Variants in CTNNA2 observed in about 807,000 individuals in gnomAD.
CTNNA2 encodes catenin alpha 2.
CTNNA2 carries 42 observed loss-of-function variants against 101.0 expected under a neutral mutation model. The ratio of observed to expected loss-of-function variants is 0.42; its 90% CI spans 0.32 to 0.54. The LOEUF (loss-of-function observed/expected upper bound fraction) is 0.54, where lower values mean the gene tolerates loss of function less well. Among genes scored for constraint, CTNNA2 ranks in the 20% least tolerant of loss-of-function variants. CTNNA2 has a pLI of 0.14. For synonymous variants in CTNNA2, 450 were observed against 456.4 expected (o/e 0.99, Z 0.18); for missense variants, 871 against 1,223.1 (o/e 0.71, Z 4.29).
At chr2:79,545,505 G>T (rs1212880266) in intron 1 of CTNNA2, among the ~76,000 whole-genome samples, 2 of 152,136 alleles carry the variant, frequency 1.3e-5, no homozygotes, top group Non-Finnish European at 2.9e-5. Context: ...TTGATCTGTT[G>T]GCTTTTGTTA....
At chr2:80,528,691 A>G (rs1245248228) in intron 9 of CTNNA2, among the ~76,000 whole-genome samples, 1 of 152,100 alleles carries the variant, frequency 6.6e-6, no homozygotes, top group Non-Finnish European at 1.5e-5. Flanking sequence ...AAATAAATAA[A>G]TAAATAAATA....
chr2:80,207,112 A>G (rs1707582935), intron 7 of CTNNA2, among the ~76,000 whole-genome samples: 1 of 152,176 alleles, frequency 6.6e-6, no homozygotes, highest in Admixed American at 6.5e-5. Flanking sequence ...TTGATTTTGC[A>G]CAGGACTATT....
chr2:80,203,950 A>G (rs2149022607), intron 7 of CTNNA2, among the ~76,000 whole-genome samples: 1 of 152,318 alleles, frequency 6.6e-6, no homozygotes, highest in East Asian at 1.9e-4. Context: ...TGCAGGCTCA[A>G]CACCATGTGG....
intron 11 of CTNNA2, among the ~76,000 whole-genome samples, chr2:80,552,686 T>C (rs1456007916): frequency 1.3e-5 from 2 of 152,194 alleles, no homozygotes. Flanking sequence ...CACTACATGG[T>C]ATAACCTATT....
intron 7 of CTNNA2, among the ~76,000 whole-genome samples, chr2:79,988,460 ATGTGTATG>A (rs917256099): frequency 2.2e-5 from 2 of 89,276 alleles, no homozygotes; most frequent in African/African-American, 8.7e-5. Flanking sequence ...TATGAAGTGT[ATGTGTATG>A]TGTGTGTGTG....
At chr2:80,370,479 C>T (rs1675342222) in intron 7 of CTNNA2, among the ~76,000 whole-genome samples, 1 of 151,928 alleles carries the variant, frequency 6.6e-6, no homozygotes, top group Admixed American at 6.6e-5. Context: ...AAAATATAGC[C>T]ATAATAAGGC....
chr2:80,585,642 A>AT (rs1695913408), intron 14 of CTNNA2, among the ~76,000 whole-genome samples: 1 of 152,178 alleles, frequency 6.6e-6, no homozygotes, highest in African/African-American at 2.4e-5. Context: ...GCTGGCTTCT[A>AT]TTTTTTTCTA....
At chr2:79,908,966 T>C (rs1288525991) in intron 6 of CTNNA2, among the ~76,000 whole-genome samples, 3 of 152,354 alleles carry the variant, frequency 2.0e-5, no homozygotes, top group African/African-American at 7.2e-5. Flanking sequence ...TTTCCTCTTA[T>C]ATAGGCTCCT....
chr2:79,847,542 CAAAAAAAAAAAAAA>C (rs70940050), intron 3 of CTNNA2, among the ~76,000 whole-genome samples: 1 of 40,160 alleles, frequency 2.5e-5, no homozygotes, highest in Non-Finnish European at 4.3e-5. Context: ...GACTCTGTCT[CAAAAAAAAAAAAAA>C]AAAAAAAAAA....
At chr2:79,460,137 A>G (rs1378466265) in intron 4 of CTNNA2, among the ~76,000 whole-genome samples, 1 of 152,096 alleles carries the variant, frequency 6.6e-6, no homozygotes, top group Non-Finnish European at 1.5e-5. Flanking sequence ...CCATATATCT[A>G]GCATCTTGTT....
At chr2:79,490,871 ATACT>A (rs1476003187) in intron 4 of CTNNA2, among the ~76,000 whole-genome samples, 1 of 152,224 alleles carries the variant, frequency 6.6e-6, no homozygotes, top group Non-Finnish European at 1.5e-5. Flanking sequence ...AGTTTTGGAC[ATACT>A]TCCCAGCAGA....
In CTNNA2 at chr2:80,377,237, A is replaced by G. The variant is rs145984499; in HGVS notation, c.1057-15974A>G. Among the ~76,000 whole-genome samples, 831 of 152,314 alleles carry G rather than the reference A, an allele frequency of 5.5e-3. 6 individuals are homozygous for G. The highest frequency in any genetic ancestry group is 0.019 in the African/African-American group (797 of 41,574). ...GCCTATAAAACAATTTATTCTCCCT[A>G]GACATTCAATCCATCTGTCTTCCAT... On this transcript the variant is annotated intron_variant, in intron 7 of 18. Transcript: ENST00000402739.
intron 7 of CTNNA2, among the ~76,000 whole-genome samples, chr2:80,211,252 T>C (rs1707871287): frequency 1.3e-5 from 2 of 152,236 alleles, no homozygotes; most frequent in South Asian, 4.1e-4. Context: ...TGGCTTTTGT[T>C]GCCATTGCTT....
At chr2:80,367,500 T>G (rs1270453996) in intron 7 of CTNNA2, among the ~76,000 whole-genome samples, 1 of 152,158 alleles carries the variant, frequency 6.6e-6, no homozygotes, top group Admixed American at 6.5e-5. Flanking sequence ...ATCTTAAGAT[T>G]TTAAAACTTT....
chr2:80,103,013 A>G (rs57186192), intron 7 of CTNNA2, among the ~76,000 whole-genome samples: 28,048 of 152,006 alleles, frequency 0.18, 3,949 homozygotes, highest in African/African-American at 0.39. Context: ...GTGAGGTCGG[A>G]GAGCAGCTTC....
At chr2:80,371,325 A>G (rs1224360265) in intron 7 of CTNNA2, among the ~76,000 whole-genome samples, 2 of 152,178 alleles carry the variant, frequency 1.3e-5, no homozygotes, top group African/African-American at 2.4e-5. Context: ...TTTAACATTT[A>G]CCCATAGCAG....
In CTNNA2 at chr2:79,834,153, A is replaced by G. The variant is rs139829299; in HGVS notation, c.299-23860A>G. Among the ~76,000 whole-genome samples the G allele has an allele frequency of 2.6e-5, 4 of 152,318 alleles. No homozygotes were observed. In the East Asian group the frequency reaches 7.7e-4, roughly 29 times the overall value. Reference sequence around the variant, plus strand: ...AATTGTTAAATAATATAGCTTATCAATAAGTGTAAGTTCTAAGAGTTAACC... The same window carrying G: ...AATTGTTAAATAATATAGCTTATCAGTAAGTGTAAGTTCTAAGAGTTAACC... On this transcript the variant is annotated intron_variant, in intron 3 of 18. Coordinates refer to ENST00000402739, the MANE Select transcript of CTNNA2 (RefSeq NM_001282597.3).
intron 7 of CTNNA2, among the ~76,000 whole-genome samples, chr2:80,005,181 C>T (rs1347050860): frequency 6.6e-6 from 1 of 152,174 alleles, no homozygotes; most frequent in East Asian, 1.9e-4. Context: ...AGAGCACAGA[C>T]TCATCATGTT....
At chr2:79,610,282 G>A (rs1291105655) in intron 1 of CTNNA2, among the ~76,000 whole-genome samples, 1 of 152,226 alleles carries the variant, frequency 6.6e-6, no homozygotes, top group Non-Finnish European at 1.5e-5. Flanking sequence ...AGAATGTGGA[G>A]AATTGTTTCT....
Sources: gnomAD v4.1 joint callset for allele counts (sites outside exome capture counted in the v4.1 genomes callset) on GRCh38, gnomAD v4.1.1 for gene constraint, MANE v1.5 for transcripts, NCBI Gene and HGNC (gene_info 2026-07-23, HGNC 2026-07-21) for gene names.